UBAC2: variants seen among roughly 807,000 people sequenced by gnomAD.
UBAC2 encodes ubiquitin-associated domain-containing protein 2.
Under a neutral mutation model 44.0 loss-of-function variants are expected in UBAC2, and 26 were observed. The observed-to-expected ratio is 0.59, with a 90% CI of 0.43 to 0.82. The LOEUF is 0.82. UBAC2 is among the 40% of genes least tolerant of loss of function. UBAC2 has a pLI of 0.00. For missense variants in UBAC2, 329 were observed against 419.4 expected (o/e 0.78, Z 1.88); for synonymous variants, 155 against 154.3 (o/e 1.00, Z -0.04).
intron 2 of UBAC2, among the ~76,000 whole-genome samples, chr13:99,242,145 A>G: frequency 6.7e-6 from 1 of 150,058 alleles, no homozygotes. Flanking sequence ...TTCTTTCTAC[A>G]CAGAGACGGC....
rs539978197 is a variant in UBAC2, at chr13:99,246,456, A to G, written c.389+1832A>G. The stretch of plus-strand genomic sequence containing the variant: ...ATCAGTTTTCCCCAAAACATCTCCT[A>G]TCAGGCCAGTTCTTTTTGGTTCCTG... On this transcript the variant is annotated intron_variant, in intron 4 of 8. Coordinates refer to ENST00000403766, the MANE Select transcript of UBAC2 (RefSeq NM_001144072.2). 6.2e-4 allele frequency among the ~76,000 whole-genome samples: 94 copies of G among 152,300 alleles called. No individual in the cohort carries two copies. In the Middle Eastern group the frequency reaches 0.01, roughly 17 times the overall value.
intron 8 of UBAC2, among the ~76,000 whole-genome samples, chr13:99,370,358 A>G (rs1319752297): frequency 1.3e-5 from 2 of 152,216 alleles, no homozygotes; most frequent in African/African-American, 4.8e-5. Flanking sequence ...AGGAGGAATC[A>G]AGAGTTCCAG....
chr13:99,316,513 A>G (rs1044716343), intron 5 of UBAC2, among the ~76,000 whole-genome samples: 1 of 152,188 alleles, frequency 6.6e-6, no homozygotes, highest in African/African-American at 2.4e-5. Flanking sequence ...TTGAGAGCCC[A>G]TAACATCATG....
intron 1 of UBAC2, among the ~76,000 whole-genome samples, chr13:99,233,867 A>C (rs185785411): frequency 6.6e-6 from 1 of 152,290 alleles, no homozygotes; most frequent in African/African-American, 2.4e-5. Context: ...GTATTTCATT[A>C]TTTGATGGAA....
At chr13:99,362,238 A>G (rs2045274855) in intron 7 of UBAC2, among the ~76,000 whole-genome samples, 1 of 152,162 alleles carries the variant, frequency 6.6e-6, no homozygotes, top group African/African-American at 2.4e-5. Flanking sequence ...TGCTTTTATA[A>G]TGGTCTTTTA....
intron 4 of UBAC2, among the ~76,000 whole-genome samples, chr13:99,303,389 C>T (rs2044284348): frequency 6.6e-6 from 1 of 152,202 alleles, no homozygotes; most frequent in Admixed American, 6.5e-5. Flanking sequence ...CACCCACTTG[C>T]ACATTTGGGG....
chr13:99,268,611 CAAAAAAAAA>C (rs756827927), intron 4 of UBAC2, among the ~76,000 whole-genome samples: 27 of 75,710 alleles, frequency 3.6e-4, no homozygotes, highest in Middle Eastern at 7.1e-3. Flanking sequence ...GACTCTGTCT[CAAAAAAAAA>C]AAAAAAAAAA....
At chr13:99,209,969 TCAAAAAACAAAA>T (rs1240008025) in intron 1 of UBAC2, among the ~76,000 whole-genome samples, 1 of 151,968 alleles carries the variant, frequency 6.6e-6, no homozygotes, top group Non-Finnish European at 1.5e-5. Flanking sequence ...CGAGACTGTC[TCAAAAAACAAAA>T]CAAAAAACAA....
intron 4 of UBAC2, among the ~76,000 whole-genome samples, chr13:99,249,973 G>C (rs542943436): frequency 6.6e-6 from 1 of 152,312 alleles, no homozygotes; most frequent in South Asian, 2.1e-4. Flanking sequence ...ACCTTTGTCA[G>C]ATGCAGTTTG....
intron 4 of UBAC2, among the ~76,000 whole-genome samples, chr13:99,277,068 T>G (rs761745263): frequency 3.3e-5 from 5 of 152,246 alleles, no homozygotes; most frequent in Non-Finnish European, 5.9e-5. Context: ...ATAGCTACCC[T>G]GTATAGTGTT....
chr13:99,317,193 C>G (rs1324180676), intron 5 of UBAC2, among the ~76,000 whole-genome samples: 1 of 152,210 alleles, frequency 6.6e-6, no homozygotes, highest in Non-Finnish European at 1.5e-5. Flanking sequence ...AGGTTTTCAT[C>G]TAGCACAATG....
chr13:99,323,396 T>C lies in UBAC2; in HGVS notation c.561+5327T>C, dbSNP rs185973183. ...CAGGTGGATCGCTTGAGCCCAAGAGTTCAACACCAGCCTGGCCAACATGGC... is the reference window on the plus strand; with the variant it reads ...CAGGTGGATCGCTTGAGCCCAAGAGCTCAACACCAGCCTGGCCAACATGGC... On this transcript the variant is annotated intron_variant, in intron 6 of 8. Transcript: ENST00000403766. Among the ~76,000 whole-genome samples, 474 of 151,056 alleles carry C rather than the reference T, an allele frequency of 3.1e-3. 1 individual carries two copies. Among genetic ancestry groups the C allele is most frequent in the African/African-American group, 0.01 (414 of 41,044 alleles).
At chr13:99,322,034 C>T (rs1238418145) in intron 6 of UBAC2, among the ~76,000 whole-genome samples, 1 of 152,148 alleles carries the variant, frequency 6.6e-6, no homozygotes, top group Admixed American at 6.5e-5. Context: ...TTAATGCAAA[C>T]ATTTAGTATT....
chr13:99,335,518 T>TA (rs2044775430), intron 6 of UBAC2, among the ~76,000 whole-genome samples: 1 of 152,194 alleles, frequency 6.6e-6, no homozygotes, highest in African/African-American at 2.4e-5. Flanking sequence ...ATTCTGTAGT[T>TA]ACCGCAGACA....
At chr13:99,350,265 C>T (rs535531948) in intron 7 of UBAC2, among the ~76,000 whole-genome samples, 9 of 152,198 alleles carry the variant, frequency 5.9e-5, no homozygotes, top group African/African-American at 2.2e-4. Context: ...ACCTCGGCAC[C>T]TAGGTAATCC....
intron 8 of UBAC2, chr13:99,377,755 G>C (rs1168860931): frequency 1.3e-5 from 2 of 152,236 alleles, no homozygotes; most frequent in African/African-American, 4.8e-5. Flanking sequence ...CTCCATAGGA[G>C]AATAGTGGTC....
At chr13:99,238,140 A>G (rs1406160951) in intron 1 of UBAC2, among the ~76,000 whole-genome samples, 1 of 152,168 alleles carries the variant, frequency 6.6e-6, no homozygotes, top group Non-Finnish European at 1.5e-5. Flanking sequence ...TTGGGTAGCC[A>G]TTTTCTGAAA....
At chr13:99,268,870 C>T (rs1411546125) in intron 4 of UBAC2, among the ~76,000 whole-genome samples, 1 of 151,898 alleles carries the variant, frequency 6.6e-6, no homozygotes, top group African/African-American at 2.4e-5. Flanking sequence ...TGGAGATTGG[C>T]CATGGGAGAA....
intron 1 of UBAC2, among the ~76,000 whole-genome samples, chr13:99,206,769 A>C (rs1310805029): frequency 2.6e-5 from 4 of 152,116 alleles, no homozygotes; most frequent in Non-Finnish European, 4.4e-5. Flanking sequence ...TCATCTCCCT[A>C]TGCTACCTCT....
Sources: allele counts gnomAD v4.1 joint callset (sites outside exome capture counted in the v4.1 genomes callset), GRCh38; gene constraint gnomAD v4.1.1; transcripts MANE v1.5; gene names NCBI Gene and HGNC (gene_info 2026-07-23, HGNC 2026-07-21).